The following SDHAF2 variants were observed in gnomAD, a reference collection of about 807,000 sequenced individuals.
SDHAF2 encodes the protein succinate dehydrogenase complex assembly factor 2.
In SDHAF2, 21 loss-of-function variants were observed where a neutral mutation model predicts 18.5. The observed-to-expected ratio is 1.13, with a 90% CI of 0.80 to 1.63. SDHAF2 has a LOEUF of 1.63. Ranked by LOEUF, SDHAF2 falls within the 40% of genes most tolerant of loss-of-function variation. The probability of loss-of-function intolerance (pLI) is 0.00; values close to 1 mark genes in which losing one functional copy is unlikely to be tolerated. For synonymous variants in SDHAF2, 84 were observed against 70.7 expected (o/e 1.19, Z -0.94); for missense variants, 195 against 200.3 (o/e 0.97, Z 0.16).
At chr11:61,438,954 G>T (rs925996671) in intron 3 of SDHAF2, among the ~76,000 whole-genome samples, 1 of 152,044 alleles carries the variant, frequency 6.6e-6, no homozygotes, top group African/African-American at 2.4e-5. Flanking sequence ...TGAGGCAAGA[G>T]AATCGCTTGA....
At chr11:61,438,655 G>A (rs551142150) in intron 3 of SDHAF2, among the ~76,000 whole-genome samples, 1 of 152,256 alleles carries the variant, frequency 6.6e-6, no homozygotes, top group South Asian at 2.1e-4. Flanking sequence ...TTAGTGGAAG[G>A]GTATATGAAG....
In SDHAF2 at chr11:61,434,595, T is replaced by TTTTTTTTTTTTTTTTTTC. The variant is rs1441349588; in HGVS notation, c.37-3015_37-3014insTTCTTTTTTTTTTTTTTT. 2.7e-3 allele frequency: 383 copies of TTTTTTTTTTTTTTTTTTC among 143,500 alleles called. 6 individuals are homozygous for TTTTTTTTTTTTTTTTTTC. The highest frequency in any genetic ancestry group is 0.01 in the African/African-American group (351 of 33,672). 8.9% of individuals were successfully genotyped at this position (143,500 alleles called of 1,614,324 possible). A position where few individuals can be genotyped will look rare whatever the true frequency, so the allele number is the denominator to read the frequency against. On this transcript the variant is annotated intron_variant, in intron 1 of 3. Coordinates refer to ENST00000301761, the MANE Select transcript of SDHAF2 (RefSeq NM_017841.4). ...TTTCTTCACTCCTTCTCATTCCTTT[T>TTTTTTTTTTTTTTTTTTC]TTTTTTTTTTTTTTTAGAAAAAACC... is the stretch of plus-strand genomic sequence containing the variant.
chr11:61,432,666 C>G (rs1430023414), intron 1 of SDHAF2: 1 of 148,798 alleles, frequency 6.7e-6, no homozygotes, highest in Non-Finnish European at 1.5e-5. Flanking sequence ...CTCTTTTCCA[C>G]TCTTGTCATC....
chr11:61,436,828 C>T, intron 1 of SDHAF2: 1 of 1,238,024 alleles, frequency 8.1e-7, no homozygotes. Flanking sequence ...GGGTTTCCTA[C>T]TCCACCATCT....
chr11:61,438,141 T>G, intron 3 of SDHAF2, 28 bp downstream of exon 3: 1 of 1,511,366 alleles, frequency 6.6e-7, no homozygotes, highest in Non-Finnish European at 9.2e-7. Flanking sequence ...CAGCATAATG[T>G]GAAAATAGGA....
intron 3 of SDHAF2, among the ~76,000 whole-genome samples, chr11:61,443,051 A>G (rs1862089867): frequency 1.3e-5 from 2 of 152,148 alleles, no homozygotes; most frequent in South Asian, 4.1e-4. Context: ...CACTGTGCTC[A>G]GTCTGTCCAA....
intron 1 of SDHAF2, chr11:61,430,527 C>T (rs1565125616): frequency 7.0e-6 from 3 of 426,678 alleles, no homozygotes; most frequent in East Asian, 3.9e-5. Flanking sequence ...CACATAGTAT[C>T]TTCAGCTTTT....
rs758154733 is a variant in SDHAF2, at chr11:61,446,035, C to T, written c.465C>T (p.Ala155=). 15 of 1,614,018 alleles carry T rather than the reference C, an allele frequency of 9.3e-6. No individual in the cohort carries two copies. In the East Asian group the frequency reaches 3.3e-4, roughly 36 times the overall value. ...KNKNKEQRLR[A]PDLEYLFEKP... ...AAAACAAAGAGCAGAGACTGCGTGCCCCAGATCTTGAGTACCTCTTTGAAA... is the reference window on the plus strand; with the variant it reads ...AAAACAAAGAGCAGAGACTGCGTGCTCCAGATCTTGAGTACCTCTTTGAAA... The change falls in exon 4 of 4, where the codon GCC becomes GCT. Residue 155 remains alanine, a synonymous_variant. Coordinates refer to ENST00000301761, the MANE Select transcript of SDHAF2 (RefSeq NM_017841.4).
At chr11:61,434,162 A>G (rs1287960688) in intron 1 of SDHAF2, 2 of 150,810 alleles carry the variant, frequency 1.3e-5, no homozygotes, top group Non-Finnish European at 2.9e-5. Flanking sequence ...TTCTTTCCCC[A>G]ACTTTGGGGG....
At chr11:61,434,831 G>A (rs10792314) in intron 1 of SDHAF2, 108,256 of 149,860 alleles carry the variant, frequency 0.72, 42,729 homozygotes, top group East Asian at 0.97. Context: ...CTGGGTTCAC[G>A]CCATTCTTCT....
At chr11:61,442,961 G>A (rs1405321802) in intron 3 of SDHAF2, among the ~76,000 whole-genome samples, 1 of 152,188 alleles carries the variant, frequency 6.6e-6, no homozygotes, top group Non-Finnish European at 1.5e-5. Flanking sequence ...CACCATGTTG[G>A]CCAGGCTGGG....
At position 61,437,726 on chromosome 11, in the gene SDHAF2, C is replaced by T. The variant is rs969049910; in HGVS notation, c.138C>T (p.Asp46=). The change falls in exon 2 of 4, where the codon GAC becomes GAT. Residue 46 remains aspartate (D), a synonymous_variant. Coordinates refer to ENST00000301761, the MANE Select transcript of SDHAF2 (RefSeq NM_017841.4). ...RGDSPTDSQK[D]MIEIPLPPWQ... ...ACAGCCCAACAGATTCCCAAAAGGA[C>T]ATGATTGAAATCCCTTTGCCTCCAT... 2 of 1,614,130 alleles carry T rather than the reference C, an allele frequency of 1.2e-6. No individual in the cohort carries two copies. The highest frequency in any genetic ancestry group is 2.2e-5 in the East Asian group (1 of 44,886).
chr11:61,446,307 T>A lies in SDHAF2; in HGVS notation c.*236T>A. 3.3e-6 allele frequency: 2 copies of A among 614,250 alleles called. No individual in the cohort carries two copies. The highest frequency in any genetic ancestry group is 3.8e-5 in the South Asian group (2 of 52,058). The allele number at this position is 614,250 out of a possible 1,614,324, so 38.0% of individuals were successfully genotyped here. On this transcript the variant is annotated 3_prime_UTR_variant, in exon 4 of 4. Transcript: ENST00000301761. ...CTCAAAAGTGATTTGTCAGCAGCGC[T>A]GGCATGCAGGCTTTGCCTGGCTGCT...
chr11:61,443,611 C>T (rs1320575003), intron 3 of SDHAF2, among the ~76,000 whole-genome samples: 2 of 152,158 alleles, frequency 1.3e-5, no homozygotes, highest in Non-Finnish European at 2.9e-5. Flanking sequence ...TTACTAGTGT[C>T]TAGCGTTAAC....
Position 61,446,227 on chromosome 11 carries a change from T to TA in SDHAF2, c.*157dup. 6 of 777,442 alleles carry TA rather than the reference T, an allele frequency of 7.7e-6. No homozygotes were observed. The highest frequency in any genetic ancestry group is 1.3e-5 in the Non-Finnish European group (6 of 446,706). The allele number at this position is 777,442 out of a possible 1,614,324, so 48.2% of individuals were successfully genotyped here. A position where few individuals can be genotyped will look rare whatever the true frequency, so the allele number is the denominator to read the frequency against. Reference sequence around the variant, plus strand: ...ATGGACATAACCCTCTCCTAGGACATACATGTAAATGCACAATGTGACTCA... The same window carrying TA: ...ATGGACATAACCCTCTCCTAGGACATAACATGTAAATGCACAATGTGACTCA... On this transcript the variant is annotated 3_prime_UTR_variant, in exon 4 of 4. Transcript: ENST00000301761.
chr11:61,430,393 CT>C, intron 1 of SDHAF2: 2 of 634,916 alleles, frequency 3.2e-6, no homozygotes, highest in South Asian at 3.8e-5. Context: ...GAAATATCTG[CT>C]TAAACGATCA....
chr11:61,440,457 T>C (rs1372061873), intron 3 of SDHAF2, among the ~76,000 whole-genome samples: 3 of 151,568 alleles, frequency 2.0e-5, no homozygotes. Flanking sequence ...AAAAATTAGC[T>C]GGGTGTGGTG....
rs1016059380 is a variant in SDHAF2, at chr11:61,436,876, T to C, written c.37-749T>C. 24 of 1,288,538 alleles carry C rather than the reference T, an allele frequency of 1.9e-5. No individual in the cohort carries two copies. The African/African-American group carries it at 3.5e-4, about 19-fold the overall frequency. The allele number at this position is 1,288,538 out of a possible 1,614,324, so 79.8% of individuals were successfully genotyped here. A position where few individuals can be genotyped will look rare whatever the true frequency, so the allele number is the denominator to read the frequency against. ...GAGGTCACCACCTTGACATCATATC[T>C]TGATAAGTTGTCAACTTCTCTGGAT... On this transcript the variant is annotated intron_variant, in intron 1 of 3. Coordinates refer to ENST00000301761, the MANE Select transcript of SDHAF2 (RefSeq NM_017841.4).
chr11:61,440,645 GTAAATATAGA>G (rs1000498593), intron 3 of SDHAF2, among the ~76,000 whole-genome samples: 12 of 152,154 alleles, frequency 7.9e-5, no homozygotes, highest in Non-Finnish European at 1.3e-4. Context: ...TCTGTAATAG[GTAAATATAGA>G]TAGTAAGCTT....
Sources: gnomAD v4.1 joint callset for allele counts (sites outside exome capture counted in the v4.1 genomes callset) on GRCh38, gnomAD v4.1.1 for gene constraint, MANE v1.5 for transcripts, NCBI Gene and HGNC (gene_info 2026-07-23, HGNC 2026-07-21) for gene names.